Variants in ADK observed in about 807,000 individuals in gnomAD.
The protein encoded by ADK is N6,N6-dimethyladenosine kinase.
In ADK, 24 loss-of-function variants were observed where a neutral mutation model predicts 44.7. That is an observed-to-expected ratio of 0.54 (90% CI 0.39 to 0.76). The LOEUF (loss-of-function observed/expected upper bound fraction) is 0.76. ADK is among the 30% of genes least tolerant of loss of function. The pLI, the probability that ADK is intolerant of heterozygous loss-of-function variation, is 0.00. For synonymous variants in ADK, 128 were observed against 142.6 expected (o/e 0.90, Z 0.73); for missense variants, 321 against 425.1 (o/e 0.76, Z 2.15).
At chr10:74,350,419 T>G (rs890014123) in intron 4 of ADK, among the ~76,000 whole-genome samples, 4 of 152,124 alleles carry the variant, frequency 2.6e-5, no homozygotes, top group African/African-American at 9.7e-5. Flanking sequence ...AAAGCAGTGT[T>G]AAGAGGGATA....
chr10:74,628,873 G>A (rs1208326564), intron 9 of ADK, among the ~76,000 whole-genome samples: 1 of 152,116 alleles, frequency 6.6e-6, no homozygotes, highest in East Asian at 1.9e-4. Flanking sequence ...GCAGAGACTA[G>A]GAGGGATAAT....
At chr10:74,319,623 T>C (rs938885055) in intron 4 of ADK, among the ~76,000 whole-genome samples, 20 of 152,220 alleles carry the variant, frequency 1.3e-4, no homozygotes, top group Admixed American at 3.9e-4. Flanking sequence ...TGGAGGGGTG[T>C]TTATAATTCA....
intron 6 of ADK, among the ~76,000 whole-genome samples, chr10:74,459,796 TCAAA>T (rs1846102261): frequency 6.7e-6 from 1 of 149,128 alleles, no homozygotes; most frequent in African/African-American, 2.5e-5. Flanking sequence ...TAGTCAAAAG[TCAAA>T]CATTTTTACT....
At chr10:74,254,889 T>G (rs561786964) in intron 3 of ADK, among the ~76,000 whole-genome samples, 1 of 152,334 alleles carries the variant, frequency 6.6e-6, no homozygotes, top group East Asian at 1.9e-4. Context: ...TTATGGCTAG[T>G]GGATAATCAT....
At chr10:74,618,184 T>C (rs150885069) in intron 9 of ADK, among the ~76,000 whole-genome samples, 1 of 152,364 alleles carries the variant, frequency 6.6e-6, no homozygotes, top group East Asian at 1.9e-4. Context: ...AAGTTACTAA[T>C]GTATTTGTGT....
intron 3 of ADK, among the ~76,000 whole-genome samples, chr10:74,225,802 C>A (rs1844513096): frequency 6.6e-6 from 1 of 151,938 alleles, no homozygotes; most frequent in African/African-American, 2.4e-5. Flanking sequence ...TTTGCTCTTT[C>A]TTTATTTCCT....
At chr10:74,284,866 C>G (rs6480732) in intron 3 of ADK, among the ~76,000 whole-genome samples, 110,198 of 152,156 alleles carry the variant, frequency 0.72, 40,519 homozygotes, top group Middle Eastern at 0.86. Context: ...TCATCTTTGT[C>G]AAACATAGAT....
intron 6 of ADK, among the ~76,000 whole-genome samples, chr10:74,469,015 A>T (rs1846457612): frequency 2.0e-5 from 3 of 151,908 alleles, no homozygotes; most frequent in Admixed American, 2.0e-4. Context: ...TGTTTTTAAG[A>T]CTTATGGTCA....
intron 7 of ADK, among the ~76,000 whole-genome samples, chr10:74,537,801 C>T (rs1221680544): frequency 6.6e-6 from 1 of 152,064 alleles, no homozygotes; most frequent in Non-Finnish European, 1.5e-5. Flanking sequence ...AGTCAAATCA[C>T]CCATACCATG....
chr10:74,188,820 T>A (rs973532107), intron 1 of ADK, among the ~76,000 whole-genome samples: 5 of 152,206 alleles, frequency 3.3e-5, no homozygotes, highest in Non-Finnish European at 7.3e-5. Flanking sequence ...TTGCCCAGGC[T>A]GGAGTGCAGT....
intron 6 of ADK, among the ~76,000 whole-genome samples, chr10:74,402,470 C>T (rs991815083): frequency 2.0e-5 from 3 of 152,008 alleles, no homozygotes; most frequent in African/African-American, 7.3e-5. Flanking sequence ...CTAAACTACT[C>T]TTCTTGCTTC....
At chr10:74,557,908 C>G (rs890140189) in intron 7 of ADK, among the ~76,000 whole-genome samples, 2 of 152,150 alleles carry the variant, frequency 1.3e-5, no homozygotes, top group African/African-American at 2.4e-5. Flanking sequence ...TGTCTAAAAA[C>G]TTGGGGTCAG....
At chr10:74,584,541 A>G (rs117577430) in intron 7 of ADK, among the ~76,000 whole-genome samples, 210 of 152,326 alleles carry the variant, frequency 1.4e-3, no homozygotes, top group Middle Eastern at 3.4e-3. Context: ...AAATTTATAT[A>G]CAATTATATG....
intron 6 of ADK, among the ~76,000 whole-genome samples, chr10:74,412,729 T>C (rs1402465355): frequency 6.6e-6 from 1 of 152,184 alleles, no homozygotes; most frequent in Admixed American, 6.5e-5. Context: ...GAATCTTTTT[T>C]TCTGAGCAGT....
At chr10:74,219,524 A>G (rs1844207825) in intron 2 of ADK, among the ~76,000 whole-genome samples, 1 of 152,226 alleles carries the variant, frequency 6.6e-6, no homozygotes, top group Non-Finnish European at 1.5e-5. Flanking sequence ...CAGACCTAAT[A>G]GACATCTACA....
At chr10:74,260,799 G>C (rs570462991) in intron 3 of ADK, among the ~76,000 whole-genome samples, 7 of 152,284 alleles carry the variant, frequency 4.6e-5, no homozygotes, top group Admixed American at 2.0e-4. Context: ...CTAAGAACTT[G>C]TTTGTGTTAA....
At chr10:74,220,789 T>C (rs1298921812) in intron 2 of ADK, among the ~76,000 whole-genome samples, 1 of 152,206 alleles carries the variant, frequency 6.6e-6, no homozygotes, top group Non-Finnish European at 1.5e-5. Context: ...TCTCAGTAGA[T>C]GCAGAAAAGG....
rs1228793291 is a variant in ADK, at chr10:74,458,667, C to T, written c.555+60088C>T. Among the ~76,000 whole-genome samples the T allele has an allele frequency of 2.0e-5, 3 of 151,276 alleles. No homozygotes were observed. The East Asian group carries it at 5.9e-4, about 29-fold the overall frequency. ...AATGTAGATCTAGTTTGATACAAAC[C>T]ATTCTATACACTACACCGGTACTAT... On this transcript the variant is annotated intron_variant, in intron 6 of 10. Transcript: ENST00000539909.
intron 4 of ADK, among the ~76,000 whole-genome samples, chr10:74,321,822 G>A (rs1454514005): frequency 6.6e-6 from 1 of 151,976 alleles, no homozygotes; most frequent in Non-Finnish European, 1.5e-5. Context: ...ATAAACTAGT[G>A]TTCATAATTG....
Sources: allele counts gnomAD v4.1 joint callset (sites outside exome capture counted in the v4.1 genomes callset), GRCh38; gene constraint gnomAD v4.1.1; transcripts MANE v1.5; gene names NCBI Gene and HGNC (gene_info 2026-07-23, HGNC 2026-07-21).